The following UQCRH variants were observed in gnomAD, a reference collection of about 807,000 sequenced individuals.
UQCRH encodes the protein ubiquinol-cytochrome c reductase hinge protein, also known as cytochrome b-c1 complex subunit 6, mitochondrial.
UQCRH carries 14 observed loss-of-function variants against 16.3 expected under a neutral mutation model. The observed-to-expected ratio is 0.86, with a 90% CI of 0.57 to 1.34. The LOEUF is 1.34. Ranked by LOEUF, UQCRH falls within the 40% of genes most tolerant of loss-of-function variation. The probability of loss-of-function intolerance (pLI) is 0.00; values close to 1 mark genes in which losing one functional copy is unlikely to be tolerated. For missense variants in UQCRH, 89 were observed against 111.9 expected (o/e 0.80, Z 0.92); for synonymous variants, 41 against 41.9 (o/e 0.98, Z 0.08).
At chr1:46,315,471 G>T (rs1661566501) in intron 3 of UQCRH, among the ~76,000 whole-genome samples, 1 of 151,224 alleles carries the variant, frequency 6.6e-6, no homozygotes, top group African/African-American at 2.4e-5. Flanking sequence ...GCGCACACTT[G>T]TAATCCCAGC....
intron 3 of UQCRH, among the ~76,000 whole-genome samples, chr1:46,310,673 G>A (rs1661452926): frequency 6.6e-6 from 1 of 152,028 alleles, no homozygotes; most frequent in African/African-American, 2.4e-5. Context: ...TTGTTATGTT[G>A]CCCAGGCTGG....
chr1:46,303,925 G>A, intron 1 of UQCRH, 105 bp downstream of exon 1: 1 of 1,479,954 alleles, frequency 6.8e-7, no homozygotes, highest in South Asian at 1.2e-5. Flanking sequence ...TACCCTCTAG[G>A]GTTTGCATAG....
intron 1 of UQCRH, among the ~76,000 whole-genome samples, chr1:46,308,123 G>A (rs1569685595): frequency 6.6e-6 from 1 of 152,212 alleles, no homozygotes; most frequent in East Asian, 1.9e-4. Flanking sequence ...GCACACTTAG[G>A]TTCTTGTTAA....
At position 46,310,226 on chromosome 1, in the gene UQCRH, G is replaced by A; in HGVS notation, c.153G>A (p.Glu51=). ...EKCVKARERL[E]LCDERVSSRS... Reference sequence around the variant, plus strand: ...GTGTAAAGGCCCGGGAGCGGCTAGAGCTCTGTGATGAGCGTGTATCCTCTC... The same window carrying A: ...GTGTAAAGGCCCGGGAGCGGCTAGAACTCTGTGATGAGCGTGTATCCTCTC... The change falls in exon 3 of 4, where the codon GAG becomes GAA. Residue 51 remains glutamate (E), a synonymous_variant. Transcript: ENST00000311672. 1 of 1,614,236 alleles carries A rather than the reference G, an allele frequency of 6.2e-7. No homozygotes were observed. The highest frequency in any genetic ancestry group is 2.2e-5 in the East Asian group (1 of 44,892).
intron 2 of UQCRH, chr1:46,309,652 A>G (rs1661432009): frequency 5.1e-6 from 1 of 197,346 alleles, no homozygotes; most frequent in African/African-American, 2.4e-5. Context: ...CCTGGGCAAC[A>G]AGAGCAAAAC....
chr1:46,314,728 C>T (rs1311844831), intron 3 of UQCRH, among the ~76,000 whole-genome samples: 1 of 150,296 alleles, frequency 6.7e-6, no homozygotes, highest in Non-Finnish European at 1.5e-5. Context: ...CATTGATGAA[C>T]CTTGGAGACA....
intron 2 of UQCRH, chr1:46,309,755 TG>T: frequency 1.6e-6 from 1 of 622,420 alleles, no homozygotes; most frequent in Non-Finnish European, 2.2e-6. Context: ...GTTGGGCAGC[TG>T]GGGTGCATAG....
intron 1 of UQCRH, among the ~76,000 whole-genome samples, chr1:46,306,483 C>T (rs1203340503): frequency 2.0e-5 from 3 of 150,506 alleles, no homozygotes; most frequent in Non-Finnish European, 2.9e-5. Context: ...AGGCAATGCT[C>T]CTGCCTCAGT....
At chr1:46,304,861 C>T (rs1661336256) in intron 1 of UQCRH, among the ~76,000 whole-genome samples, 1 of 152,172 alleles carries the variant, frequency 6.6e-6, no homozygotes, top group Non-Finnish European at 1.5e-5. Context: ...AACCAGGACT[C>T]TTATCAATTT....
intron 3 of UQCRH, among the ~76,000 whole-genome samples, chr1:46,315,591 C>CAAAA (rs35586591): frequency 3.5e-5 from 3 of 84,550 alleles, no homozygotes; most frequent in Non-Finnish European, 6.9e-5. Context: ...AAGACTGCCT[C>CAAAA]AAAAAAAAAA....
intron 3 of UQCRH, among the ~76,000 whole-genome samples, chr1:46,313,105 G>A (rs1169162783): frequency 6.6e-6 from 1 of 152,116 alleles, no homozygotes; most frequent in Non-Finnish European, 1.5e-5. Flanking sequence ...ATATACCCAA[G>A]AGAAATGAAA....
At position 46,303,721 on chromosome 1, in the gene UQCRH, G is replaced by A. The variant is rs375453493; in HGVS notation, c.-46G>A. 1 of 1,613,964 alleles carries A rather than the reference G, an allele frequency of 6.2e-7. No homozygotes were observed. The highest frequency in any genetic ancestry group is 8.5e-7 in the Non-Finnish European group (1 of 1,179,894). ...TCCTTCTTGATCCTGAACTGGGTTA[G>A]GTGCCGCTGTTGCTGCTCGTGTTGA... On this transcript the variant is annotated 5_prime_UTR_variant, in exon 1 of 4. Coordinates refer to ENST00000311672, the MANE Select transcript of UQCRH (RefSeq NM_006004.4).
chr1:46,306,851 G>A (rs1661385618), intron 1 of UQCRH, among the ~76,000 whole-genome samples: 1 of 152,092 alleles, frequency 6.6e-6, no homozygotes, highest in African/African-American at 2.4e-5. Flanking sequence ...AGCTTTGGTG[G>A]CTTCACTGAA....
chr1:46,306,061 G>T (rs566897677), intron 1 of UQCRH, among the ~76,000 whole-genome samples: 3 of 152,146 alleles, frequency 2.0e-5, no homozygotes, highest in Admixed American at 1.3e-4. Context: ...CAAAGTGCTG[G>T]GATTACAGGC....
chr1:46,309,942 G>A, intron 2 of UQCRH: 2 of 1,442,076 alleles, frequency 1.4e-6, no homozygotes, highest in South Asian at 1.5e-5. Context: ...TGGAAGGCAG[G>A]AATGTGAAAC....
chr1:46,311,283 C>G (rs964736573), intron 3 of UQCRH, among the ~76,000 whole-genome samples: 2 of 146,966 alleles, frequency 1.4e-5, no homozygotes, highest in Admixed American at 6.8e-5. Flanking sequence ...TTGTATTGGC[C>G]GGGCGCGGTG....
intron 1 of UQCRH, among the ~76,000 whole-genome samples, chr1:46,306,936 G>A (rs1305572078): frequency 6.6e-6 from 1 of 152,040 alleles, no homozygotes; most frequent in African/African-American, 2.4e-5. Context: ...CCCAGACTGG[G>A]GTGCAGTGGT....
intron 3 of UQCRH, among the ~76,000 whole-genome samples, chr1:46,312,381 A>G (rs1043455720): frequency 1.3e-5 from 2 of 152,092 alleles, no homozygotes; most frequent in African/African-American, 4.8e-5. Flanking sequence ...CTGAGATTAC[A>G]GGCGTGAGCC....
At chr1:46,305,988 G>A (rs2148332413) in intron 1 of UQCRH, among the ~76,000 whole-genome samples, 2 of 152,060 alleles carry the variant, frequency 1.3e-5, no homozygotes, top group Middle Eastern at 3.4e-3. Context: ...GTAGAGACAG[G>A]GTTTCACCGT....
Sources: allele counts gnomAD v4.1 joint callset (sites outside exome capture counted in the v4.1 genomes callset), GRCh38; gene constraint gnomAD v4.1.1; transcripts MANE v1.5; gene names NCBI Gene and HGNC (gene_info 2026-07-23, HGNC 2026-07-21).